The following TFCP2 variants were observed in gnomAD, a reference collection of about 807,000 sequenced individuals.
TFCP2 encodes alpha-globin transcription factor CP2.
TFCP2 carries 33 observed loss-of-function variants against 73.4 expected under a neutral mutation model. That is an observed-to-expected ratio of 0.45 (90% CI 0.34 to 0.60). TFCP2 has a LOEUF of 0.60. TFCP2 is among the 20% of genes least tolerant of loss of function. The pLI is 0.01. For synonymous variants in TFCP2, 193 were observed against 211.6 expected (o/e 0.91, Z 0.76); for missense variants, 352 against 604.0 (o/e 0.58, Z 4.37).
At chr12:51,110,240 T>C in intron 5 of TFCP2, among the ~76,000 whole-genome samples, 1 of 152,142 alleles carries the variant, frequency 6.6e-6, no homozygotes, top group East Asian at 1.9e-4. Context: ...AGTATAAATA[T>C]GTTCAAAATA....
intron 13 of TFCP2, among the ~76,000 whole-genome samples, chr12:51,097,548 CCTT>C (rs1346878464): frequency 3.3e-5 from 5 of 152,008 alleles, no homozygotes; most frequent in African/African-American, 7.2e-5. Context: ...GCCTGGGCAG[CCTT>C]CTTAATCTTT....
chr12:51,125,611 AT>A (rs1178530325), intron 1 of TFCP2, among the ~76,000 whole-genome samples: 1 of 152,176 alleles, frequency 6.6e-6, no homozygotes, highest in Non-Finnish European at 1.5e-5. Flanking sequence ...CACTGGAACA[AT>A]TACTGTATTT....
chr12:51,095,136 G>T lies in TFCP2; in HGVS notation c.*105C>A. On this transcript the variant is annotated 3_prime_UTR_variant, in exon 15 of 15. Transcript: ENST00000257915. ...GACTCCTCCACACACAGTCAGACGA[G>T]TCAGGTTCTTGCAGACCTTCAAATC... 2 of 1,288,630 alleles carry T rather than the reference G, an allele frequency of 1.6e-6. No individual in the cohort carries two copies. The highest frequency in any genetic ancestry group is 2.3e-6 in the Non-Finnish European group (2 of 884,326). The allele number at this position is 1,288,630 out of a possible 1,614,324, so 79.8% of individuals were successfully genotyped here.
chr12:51,146,137 G>A (rs1453194951), intron 1 of TFCP2, among the ~76,000 whole-genome samples: 1 of 147,798 alleles, frequency 6.8e-6, no homozygotes, highest in African/African-American at 2.5e-5. Flanking sequence ...AGATTACTCC[G>A]TCTCTACAAA....
chr12:51,107,043 G>T, intron 7 of TFCP2, 193 bp downstream of exon 7: 1 of 616,964 alleles, frequency 1.6e-6, no homozygotes, highest in East Asian at 2.8e-5. Flanking sequence ...AAGATAACTT[G>T]GACACAGAGA....
chr12:51,142,222 A>G (rs902948467), intron 1 of TFCP2, among the ~76,000 whole-genome samples: 8 of 151,022 alleles, frequency 5.3e-5, no homozygotes, highest in African/African-American at 1.9e-4. Context: ...AAAAAAAAAA[A>G]AAAAAAGTCT....
chr12:51,121,446 G>T (rs988542544), intron 1 of TFCP2, among the ~76,000 whole-genome samples: 1 of 144,526 alleles, frequency 6.9e-6, no homozygotes, highest in Non-Finnish European at 1.5e-5. Context: ...TCCCCCAAAA[G>T]ATCAGAAGTC....
chr12:51,138,112 T>C (rs1173260030), intron 1 of TFCP2, among the ~76,000 whole-genome samples: 1 of 152,094 alleles, frequency 6.6e-6, no homozygotes, highest in Non-Finnish European at 1.5e-5. Flanking sequence ...TCTGTGTATT[T>C]ATTTATTTTC....
At chr12:51,148,584 A>C (rs1288239475) in intron 1 of TFCP2, among the ~76,000 whole-genome samples, 3 of 151,348 alleles carry the variant, frequency 2.0e-5, no homozygotes, top group Non-Finnish European at 2.9e-5. Context: ...CCTGTAGTCC[A>C]GGCTACTTGG....
intron 1 of TFCP2, chr12:51,125,215 A>C: frequency 1.6e-6 from 1 of 629,632 alleles, no homozygotes; most frequent in Non-Finnish European, 3.0e-6. Context: ...AGGCAAAGAT[A>C]ATTGGTTTCT....
At chr12:51,150,560 A>C (rs2137028951) in intron 1 of TFCP2, among the ~76,000 whole-genome samples, 1 of 152,356 alleles carries the variant, frequency 6.6e-6, no homozygotes, top group Admixed American at 6.5e-5. Flanking sequence ...TAACAGACTT[A>C]GAATGAAAGG....
intron 1 of TFCP2, among the ~76,000 whole-genome samples, chr12:51,171,626 C>T (rs927136299): frequency 6.6e-6 from 1 of 152,208 alleles, no homozygotes; most frequent in Non-Finnish European, 1.5e-5. Flanking sequence ...GATCCGCCCG[C>T]CTCAGCCTCC....
intron 1 of TFCP2, among the ~76,000 whole-genome samples, chr12:51,128,825 G>C (rs1940874138): frequency 6.6e-6 from 1 of 152,168 alleles, no homozygotes; most frequent in Non-Finnish European, 1.5e-5. Flanking sequence ...TGAGAATATG[G>C]AAAGGAGGAC....
rs1444336833 is a variant in TFCP2, at chr12:51,094,626, G to C, written c.*615C>G. The C allele has an allele frequency of 6.6e-6, 1 of 152,444 alleles. No individual in the cohort carries two copies. Among genetic ancestry groups the C allele is most frequent in the Non-Finnish European group, 1.5e-5 (1 of 68,248 alleles). The allele number at this position is 152,444 out of a possible 1,614,324, so 9.4% of individuals were successfully genotyped here. Reference sequence around the variant, plus strand: ...CACCTACTTCAGATAGTGTGATTAGGGGGTTAAACAAGATGGTCATTCAAA... The same window carrying C: ...CACCTACTTCAGATAGTGTGATTAGCGGGTTAAACAAGATGGTCATTCAAA... On this transcript the variant is annotated 3_prime_UTR_variant, in exon 15 of 15. Transcript: ENST00000257915.
At chr12:51,115,687 T>C (rs1940518177) in intron 4 of TFCP2, among the ~76,000 whole-genome samples, 1 of 152,218 alleles carries the variant, frequency 6.6e-6, no homozygotes, top group Non-Finnish European at 1.5e-5. Flanking sequence ...CAAAGTGTGA[T>C]ATATACACAC....
chr12:51,098,654 C>T, intron 13 of TFCP2, 122 bp downstream of exon 13: 1 of 1,194,234 alleles, frequency 8.4e-7, no homozygotes, highest in Non-Finnish European at 1.1e-6. Flanking sequence ...GGAAAGCAAG[C>T]AAAAAAGTAT....
At chr12:51,164,887 C>T (rs1274118158) in intron 1 of TFCP2, among the ~76,000 whole-genome samples, 2 of 151,998 alleles carry the variant, frequency 1.3e-5, no homozygotes, top group African/African-American at 2.4e-5. Context: ...TAAACAAAAA[C>T]CTCCCAACAA....
chr12:51,116,449 A>T, intron 3 of TFCP2, 29 bp from the exon 4 acceptor site: 1 of 1,325,918 alleles, frequency 7.5e-7, no homozygotes, highest in Non-Finnish European at 1.0e-6. Context: ...ATCAGATGAT[A>T]ACAAGACCTC....
intron 5 of TFCP2, among the ~76,000 whole-genome samples, chr12:51,109,877 C>A (rs577523161): frequency 6.6e-6 from 1 of 152,216 alleles, no homozygotes; most frequent in African/African-American, 2.4e-5. Flanking sequence ...CACCACCACG[C>A]CCTGCTAATT....
Sources: gnomAD v4.1 joint callset for allele counts (sites outside exome capture counted in the v4.1 genomes callset) on GRCh38, gnomAD v4.1.1 for gene constraint, MANE v1.5 for transcripts, NCBI Gene and HGNC (gene_info 2026-07-23, HGNC 2026-07-21) for gene names.